TSPEAR: variants seen among roughly 807,000 people sequenced by gnomAD.
TSPEAR encodes the protein thrombospondin type laminin G domain and EAR repeats, also known as thrombospondin-type laminin G domain and EAR repeat-containing protein.
Under a neutral mutation model 71.6 loss-of-function variants are expected in TSPEAR, and 69 were observed. That is an observed-to-expected ratio of 0.96 (90% confidence interval 0.79 to 1.18). TSPEAR has a LOEUF of 1.18. Ranked by LOEUF, TSPEAR falls within the 50% of genes most tolerant of loss-of-function variation. TSPEAR has a pLI of 0.00. For synonymous variants in TSPEAR, 402 were observed against 387.2 expected (o/e 1.04, Z -0.45); for missense variants, 971 against 894.9 (o/e 1.09, Z -1.09).
At chr21:44,557,791 A>G (rs2053558046) in intron 2 of TSPEAR, 1 of 539,696 alleles carries the variant, frequency 1.9e-6, no homozygotes. Flanking sequence ...GACCTCTGAG[A>G]GGGCACATTG....
rs1170078382 is a variant in TSPEAR, at chr21:44,499,073, T to A, written c.*710A>T. ...GACATGTGATTAAAATGCTGCTGAA[T>A]AGGGAAAAAATCCCGGGCCCAGAAG... is the stretch of plus-strand genomic sequence containing the variant. On this transcript the variant is annotated 3_prime_UTR_variant, in exon 12 of 12. Transcript: ENST00000323084. 1 of 152,194 alleles carries A rather than the reference T, an allele frequency of 6.6e-6. No homozygotes were observed. The highest frequency in any genetic ancestry group is 1.5e-5 in the Non-Finnish European group (1 of 68,052). The allele number at this position is 152,194 out of a possible 1,614,324, so 9.4% of individuals were successfully genotyped here.
chr21:44,673,400 G>A (rs1288105262), intron 1 of TSPEAR, among the ~76,000 whole-genome samples: 1 of 152,176 alleles, frequency 6.6e-6, no homozygotes, highest in African/African-American at 2.4e-5. Context: ...AAATTCTTAA[G>A]AGAATATTAC....
chr21:44,651,053 A>ACCACGTCT (rs1984758891), intron 1 of TSPEAR, among the ~76,000 whole-genome samples: 1 of 151,522 alleles, frequency 6.6e-6, no homozygotes. Flanking sequence ...ACCTGGGGAG[A>ACCACGTCT]GGACAGGTCT....
In TSPEAR at chr21:44,697,906, C is replaced by T. The variant is rs782346949; in HGVS notation, c.82+13527G>A. 2.4e-5 allele frequency: 38 copies of T among 1,612,478 alleles called. No individual in the cohort carries two copies. In the Middle Eastern group the frequency reaches 1.3e-3, roughly 56 times the overall value. ...GCCTGGCCTCCTGCGGGTCCCTCCTCTGCCGCCCCACATGTTCCCGCCTGG... is the reference window on the plus strand; with the variant it reads ...GCCTGGCCTCCTGCGGGTCCCTCCTTTGCCGCCCCACATGTTCCCGCCTGG... On this transcript the variant is annotated intron_variant, in intron 1 of 11. Transcript: ENST00000323084.
chr21:44,567,279 A>C (rs1302536414), intron 2 of TSPEAR, among the ~76,000 whole-genome samples: 1 of 152,202 alleles, frequency 6.6e-6, no homozygotes, highest in East Asian at 1.9e-4. Context: ...TGGAAATGCA[A>C]ATTCATTTTT....
intron 1 of TSPEAR, chr21:44,575,521 G>A (rs1027239722): frequency 6.1e-6 from 1 of 164,904 alleles, no homozygotes; most frequent in Non-Finnish European, 1.3e-5. Flanking sequence ...GACGGACATG[G>A]ACGCGGGGAG....
At chr21:44,516,474 A>C (rs1569157975) in intron 9 of TSPEAR, 1 of 152,224 alleles carries the variant, frequency 6.6e-6, no homozygotes, top group Non-Finnish European at 1.5e-5. Context: ...AGGGTGTGGG[A>C]TGGAGATGCA....
intron 1 of TSPEAR, among the ~76,000 whole-genome samples, chr21:44,608,172 G>T (rs1374242044): frequency 1.3e-5 from 2 of 152,060 alleles, no homozygotes; most frequent in African/African-American, 2.4e-5. Flanking sequence ...CTCATGAAAA[G>T]GTAACTTTAA....
At chr21:44,621,514 G>T (rs1030623386) in intron 1 of TSPEAR, among the ~76,000 whole-genome samples, 6 of 152,178 alleles carry the variant, frequency 3.9e-5, no homozygotes, top group Non-Finnish European at 7.3e-5. Flanking sequence ...CTGGCCTATG[G>T]CTGGCCCCTC....
intron 1 of TSPEAR, among the ~76,000 whole-genome samples, chr21:44,673,730 T>A (rs1986167230): frequency 1.3e-5 from 2 of 152,152 alleles, no homozygotes; most frequent in Non-Finnish European, 2.9e-5. Context: ...AAGTCTCAAC[T>A]AACTTTAAAA....
At chr21:44,566,379 C>T (rs1029850443) in intron 2 of TSPEAR, among the ~76,000 whole-genome samples, 4 of 152,156 alleles carry the variant, frequency 2.6e-5, no homozygotes, top group South Asian at 2.1e-4. Flanking sequence ...AAGCATCATA[C>T]GTTCATTAAT....
intron 1 of TSPEAR, among the ~76,000 whole-genome samples, chr21:44,663,029 C>G (rs1171378589): frequency 6.7e-6 from 1 of 149,732 alleles, no homozygotes; most frequent in African/African-American, 2.5e-5. Context: ...GTCCTGAAAT[C>G]AATTATCTAA....
intron 5 of TSPEAR, 89 bp downstream of exon 5, chr21:44,529,709 T>C (rs587667174): frequency 6.8e-7 from 1 of 1,470,896 alleles, no homozygotes; most frequent in African/African-American, 1.4e-5. Flanking sequence ...CGAGAGGGGC[T>C]GAGAGCTGAG....
intron 10 of TSPEAR, 66 bp from the exon 11 acceptor site, chr21:44,504,947 A>G: frequency 7.6e-7 from 1 of 1,314,276 alleles, no homozygotes; most frequent in Non-Finnish European, 1.1e-6. Flanking sequence ...GGGATTGGCC[A>G]GAAGCTACCT....
chr21:44,533,404 C>A (rs996853625), intron 3 of TSPEAR, among the ~76,000 whole-genome samples: 2 of 152,096 alleles, frequency 1.3e-5, no homozygotes, highest in Admixed American at 6.5e-5. Context: ...GCTCCTGCCC[C>A]GTGGATGGCT....
chr21:44,552,977 C>T (rs782502101), intron 2 of TSPEAR, among the ~76,000 whole-genome samples: 5 of 152,202 alleles, frequency 3.3e-5, no homozygotes, highest in Admixed American at 1.3e-4. Flanking sequence ...GCCGAGGCAG[C>T]GGCGTTCCCT....
At chr21:44,511,840 G>T (rs1383873535) in intron 9 of TSPEAR, among the ~76,000 whole-genome samples, 1 of 152,266 alleles carries the variant, frequency 6.6e-6, no homozygotes, top group Non-Finnish European at 1.5e-5. Flanking sequence ...GGTGATGGGG[G>T]ACCCCGAGCT....
intron 1 of TSPEAR, among the ~76,000 whole-genome samples, chr21:44,613,537 T>A (rs587623406): frequency 1.3e-5 from 2 of 152,258 alleles, no homozygotes; most frequent in African/African-American, 4.8e-5. Context: ...CTGGCCTGGG[T>A]TCCGGGCACT....
chr21:44,580,177 G>A (rs782688507), intron 1 of TSPEAR: 3 of 1,614,118 alleles, frequency 1.9e-6, no homozygotes, highest in Non-Finnish European at 2.5e-6. Flanking sequence ...GCTTGCAGCA[G>A]ACAGGCACAC....
Sources: gnomAD v4.1 joint callset for allele counts (sites outside exome capture counted in the v4.1 genomes callset) on GRCh38, gnomAD v4.1.1 for gene constraint, MANE v1.5 for transcripts, NCBI Gene and HGNC (gene_info 2026-07-23, HGNC 2026-07-21) for gene names.